The following CACNA2D3 variants were observed in gnomAD, a reference collection of about 807,000 sequenced individuals.
The protein encoded by CACNA2D3 is voltage-dependent calcium channel subunit alpha-2/delta-3.
CACNA2D3 carries 60 observed loss-of-function variants against 160.6 expected under a neutral mutation model. That is an observed-to-expected ratio of 0.37 (90% CI 0.30 to 0.46). CACNA2D3 has a LOEUF of 0.46. Ranked by LOEUF, CACNA2D3 falls within the 20% of genes least tolerant of loss-of-function variation. The pLI is 1.00. For synonymous variants in CACNA2D3, 558 were observed against 492.9 expected, an observed-to-expected ratio of 1.13 and a Z score of -1.75; for missense variants, 1,205 against 1,365.0, an observed-to-expected ratio of 0.88 and a Z score of 1.85.
chr3:54,393,629 G>C (rs1699320783), intron 4 of CACNA2D3, among the ~76,000 whole-genome samples: 1 of 152,216 alleles, frequency 6.6e-6, no homozygotes, highest in Admixed American at 6.5e-5. Flanking sequence ...TGCATCCTGG[G>C]GAATTGGTGC....
rs755708920 is a variant in CACNA2D3 at position 55,073,907 on chromosome 3, C to T, written c.3183+48C>T. Reference sequence around the variant, plus strand: ...TTTCCTTTTCCCATCAGAATCACCACGAGAGTCTCACACTGGTCAAAGAAC... The same window carrying T: ...TTTCCTTTTCCCATCAGAATCACCATGAGAGTCTCACACTGGTCAAAGAAC... On this transcript the variant is annotated intron_variant, in intron 37 of 37. Transcript: ENST00000474759. The T allele has an allele frequency of 1.0e-4, 151 of 1,464,098 alleles. No individual in the cohort carries two copies. The East Asian group carries it at 1.1e-3, about 11-fold the overall frequency. 90.7% of individuals were successfully genotyped at this position (1,464,098 alleles called of 1,614,324 possible).
chr3:54,198,259 C>G (rs1377614622), intron 2 of CACNA2D3, among the ~76,000 whole-genome samples: 1 of 152,202 alleles, frequency 6.6e-6, no homozygotes, highest in African/African-American at 2.4e-5. Flanking sequence ...GGACAAGAGG[C>G]CTGACACAGT....
intron 2 of CACNA2D3, among the ~76,000 whole-genome samples, chr3:54,154,653 C>T (rs1700210787): frequency 6.6e-6 from 1 of 152,170 alleles, no homozygotes; most frequent in Non-Finnish European, 1.5e-5. Flanking sequence ...TTTGATCCAT[C>T]CTCTGGGTGG....
chr3:54,594,748 C>T (rs1016153762), intron 9 of CACNA2D3, among the ~76,000 whole-genome samples: 1 of 152,252 alleles, frequency 6.6e-6, no homozygotes, highest in African/African-American at 2.4e-5. Context: ...TTAGAAAATA[C>T]TTCTTATTGG....
At chr3:54,962,138 G>C (rs771118679) in intron 27 of CACNA2D3, among the ~76,000 whole-genome samples, 46 of 152,102 alleles carry the variant, frequency 3.0e-4, no homozygotes, top group Admixed American at 5.9e-4. Flanking sequence ...CCTCTTAAAA[G>C]TGCCACCTCT....
intron 2 of CACNA2D3, among the ~76,000 whole-genome samples, chr3:54,304,075 G>A (rs1703542086): frequency 6.6e-6 from 1 of 152,040 alleles, no homozygotes; most frequent in African/African-American, 2.4e-5. Flanking sequence ...AATCCTTTGT[G>A]GCGGGGCCTG....
Position 54,478,667 on chromosome 3 carries a change from T to TATATATATTG in CACNA2D3, c.382-24817_382-24816insTGATATATAT, listed in dbSNP as rs1421445439. ...ATATATAAATATGTGTGTGTATATA[T>TATATATATTG]ATATATATATATTGCTTGTCATTCT... On this transcript the variant is annotated intron_variant, in intron 4 of 37. Transcript: ENST00000474759. Among the ~76,000 whole-genome samples, 4 of 127,466 alleles carry TATATATATTG rather than the reference T, an allele frequency of 3.1e-5. 1 individual carries two copies. Among genetic ancestry groups the TATATATATTG allele is most frequent in the Admixed American group, 3.0e-4 (4 of 13,134 alleles). 83.6% of individuals were successfully genotyped at this position (127,466 alleles called of 152,430 possible).
chr3:54,152,823 T>C (rs1039759316), intron 2 of CACNA2D3, among the ~76,000 whole-genome samples: 3 of 152,224 alleles, frequency 2.0e-5, no homozygotes, highest in African/African-American at 4.8e-5. Context: ...TGTGGCTGTG[T>C]GACTCAGGGC....
In CACNA2D3 at chr3:55,073,432, C is replaced by T; in HGVS notation, c.2988-13C>T. The T allele has an allele frequency of 6.3e-7, 1 of 1,595,834 alleles. No individual in the cohort carries two copies. The highest frequency in any genetic ancestry group is 1.1e-5 in the South Asian group (1 of 90,744). On this transcript the variant is annotated splice_polypyrimidine_tract_variant and intron_variant, in intron 35 of 37. Transcript: ENST00000474759. ...ATGGTAAATGACTGCCTCGCTACCT[C>T]TTGTTCCAACAGGTCCTTTGTCATC...
At chr3:54,336,376 T>A (rs1704378887) in intron 3 of CACNA2D3, among the ~76,000 whole-genome samples, 1 of 152,106 alleles carries the variant, frequency 6.6e-6, no homozygotes, top group Admixed American at 6.5e-5. Context: ...AAGCTGCAGG[T>A]TAAACAGAAT....
intron 5 of CACNA2D3, among the ~76,000 whole-genome samples, chr3:54,532,546 T>C (rs1701821642): frequency 6.6e-6 from 1 of 152,220 alleles, no homozygotes; most frequent in South Asian, 2.1e-4. Context: ...AATGAGGACA[T>C]GCACTATTTC....
chr3:54,952,543 T>A (rs1021407269), intron 27 of CACNA2D3, among the ~76,000 whole-genome samples: 1 of 152,206 alleles, frequency 6.6e-6, no homozygotes, highest in African/African-American at 2.4e-5. Context: ...GCAGACGGAA[T>A]GTCAATCTTT....
At chr3:54,684,310 TAACC>T (rs1319135476) in intron 11 of CACNA2D3, among the ~76,000 whole-genome samples, 12 of 152,258 alleles carry the variant, frequency 7.9e-5, no homozygotes, top group African/African-American at 2.9e-4. Flanking sequence ...AGGGACCACC[TAACC>T]CAATACATCC....
At chr3:54,849,100 G>A (rs891725426) in intron 17 of CACNA2D3, among the ~76,000 whole-genome samples, 3 of 152,178 alleles carry the variant, frequency 2.0e-5, no homozygotes, top group Non-Finnish European at 4.4e-5. Context: ...GGAAGGGATC[G>A]TGTACATACA....
intron 31 of CACNA2D3, among the ~76,000 whole-genome samples, chr3:55,002,171 A>G (rs1702992416): frequency 6.6e-6 from 1 of 151,942 alleles, no homozygotes; most frequent in South Asian, 2.1e-4. Flanking sequence ...AAAAAAAAAA[A>G]AAAGAATGTA....
At chr3:55,064,468 C>G (rs1277701611) in intron 35 of CACNA2D3, among the ~76,000 whole-genome samples, 1 of 152,144 alleles carries the variant, frequency 6.6e-6, no homozygotes, top group African/African-American at 2.4e-5. Context: ...TAGCTGGGAA[C>G]ACCCTGGGGA....
intron 5 of CACNA2D3, among the ~76,000 whole-genome samples, chr3:54,557,044 A>G (rs1397535516): frequency 6.6e-6 from 1 of 152,030 alleles, no homozygotes. Context: ...TTCTTTTCCT[A>G]TCTTTTAAAT....
chr3:54,547,672 CTTTTTTTTTTTTT>C (rs55806357), intron 5 of CACNA2D3, among the ~76,000 whole-genome samples: 1 of 69,282 alleles, frequency 1.4e-5, no homozygotes, highest in South Asian at 8.0e-4. Flanking sequence ...TCCCCCAACC[CTTTTTTTTTTTTT>C]TTTTTTTTTT....
chr3:55,055,820 C>T (rs945270594), intron 35 of CACNA2D3, among the ~76,000 whole-genome samples: 2 of 152,034 alleles, frequency 1.3e-5, no homozygotes, highest in African/African-American at 4.8e-5. Flanking sequence ...GGATTGTCCT[C>T]CTCATTTCTT....
Sources: gnomAD v4.1 joint callset for allele counts (sites outside exome capture counted in the v4.1 genomes callset) on GRCh38, gnomAD v4.1.1 for gene constraint, MANE v1.5 for transcripts, NCBI Gene and HGNC (gene_info 2026-07-23, HGNC 2026-07-21) for gene names.